MYOM1: variants seen among roughly 807,000 people sequenced by gnomAD.
MYOM1 encodes myomesin 1.
MYOM1 carries 164 observed loss-of-function variants against 205.3 expected under a neutral mutation model. That is an observed-to-expected ratio of 0.80 (90% CI 0.70 to 0.91). The LOEUF is 0.91. Ranked by LOEUF, MYOM1 falls within the 40% of genes least tolerant of loss-of-function variation. The pLI is 0.00. For synonymous variants in MYOM1, 772 were observed against 789.4 expected, an observed-to-expected ratio of 0.98 and a Z score of 0.37; for missense variants, 2,011 against 2,127.3, an observed-to-expected ratio of 0.95 and a Z score of 1.08.
chr18:3,159,521 A>G, intron 10 of MYOM1, among the ~76,000 whole-genome samples: 1 of 152,262 alleles, frequency 6.6e-6, no homozygotes, highest in East Asian at 1.9e-4. Flanking sequence ...GATACCCAAG[A>G]GAAATGAAGA....
At chr18:3,136,385 G>A (rs1356715526) in intron 14 of MYOM1, among the ~76,000 whole-genome samples, 1 of 151,474 alleles carries the variant, frequency 6.6e-6, no homozygotes, top group Non-Finnish European at 1.5e-5. Context: ...GATCGTTTGG[G>A]GTCAGGTAAT....
chr18:3,207,692 G>A (rs2081141436), intron 2 of MYOM1, among the ~76,000 whole-genome samples: 1 of 152,224 alleles, frequency 6.6e-6, no homozygotes, highest in African/African-American at 2.4e-5. Context: ...CCTGGCCAGT[G>A]CCGACACTAT....
At chr18:3,192,098 A>T (rs1201888612) in intron 3 of MYOM1, among the ~76,000 whole-genome samples, 1 of 152,196 alleles carries the variant, frequency 6.6e-6, no homozygotes, top group Non-Finnish European at 1.5e-5. Flanking sequence ...AGAAGATGTT[A>T]GGAGTAAGAA....
intron 7 of MYOM1, 46 bp downstream of exon 7, chr18:3,174,074 T>TAA: frequency 6.3e-7 from 1 of 1,592,218 alleles, no homozygotes; most frequent in Non-Finnish European, 8.5e-7. Flanking sequence ...AAGAAATTTT[T>TAA]AAAAACACAC....
chr18:3,188,655 C>A (rs2080857093), intron 4 of MYOM1, 93 bp downstream of exon 4: 1 of 1,237,476 alleles, frequency 8.1e-7, no homozygotes, highest in East Asian at 2.6e-5. Context: ...AGAAACAAAT[C>A]AATCTATATC....
chr18:3,177,598 A>T (rs2080666187), intron 5 of MYOM1, among the ~76,000 whole-genome samples: 1 of 151,916 alleles, frequency 6.6e-6, no homozygotes, highest in Non-Finnish European at 1.5e-5. Flanking sequence ...CAGCCTCCCC[A>T]GTAGCTGGGA....
chr18:3,081,066 G>A (rs2079079838), intron 33 of MYOM1, among the ~76,000 whole-genome samples: 2 of 151,896 alleles, frequency 1.3e-5, no homozygotes, highest in East Asian at 1.9e-4. Context: ...TGGAGGCAGA[G>A]GTTGCAGTGA....
At chr18:3,148,147 TG>T (rs2080157229) in intron 13 of MYOM1, among the ~76,000 whole-genome samples, 1 of 152,184 alleles carries the variant, frequency 6.6e-6, no homozygotes, top group Non-Finnish European at 1.5e-5. Context: ...GAAGGGAACG[TG>T]GTACAATCAT....
chr18:3,217,481 C>G (rs556447198), intron 1 of MYOM1, among the ~76,000 whole-genome samples: 1 of 152,264 alleles, frequency 6.6e-6, no homozygotes, highest in East Asian at 1.9e-4. Flanking sequence ...TGCTCTACAT[C>G]TGAGATGCCT....
chr18:3,110,222 C>T (rs959896842), intron 22 of MYOM1, among the ~76,000 whole-genome samples: 7 of 151,748 alleles, frequency 4.6e-5, no homozygotes, highest in South Asian at 2.1e-4. Flanking sequence ...TGTGGGTGTG[C>T]GTGGGGGTGT....
rs1032691291 is a variant in MYOM1 at position 3,188,971 on chromosome 18, T to C, written c.548A>G (p.Gln183Arg). 5 of 1,613,312 alleles carry C rather than the reference T, an allele frequency of 3.1e-6. No homozygotes were observed. The highest frequency in any genetic ancestry group is 4.2e-6 in the Non-Finnish European group (5 of 1,179,696). ...CGTGGTCTGCTTGGATGCCGTGGACTGTTTAGATGTTGTGATTCCTTCCTC... is the reference window on the plus strand; with the variant it reads ...CGTGGTCTGCTTGGATGCCGTGGACCGTTTAGATGTTGTGATTCCTTCCTC... ...ASEEGITTSK[Q>R]STASKQTTAS... The change falls in exon 4 of 38, where the codon CAG becomes CGG. Residue 183 changes from glutamine (Q) to arginine (R), a missense_variant. By Grantham distance (43) the Gln-to-Arg change is conservative. Coordinates refer to ENST00000356443, the MANE Select transcript of MYOM1 (RefSeq NM_003803.4).
intron 5 of MYOM1, among the ~76,000 whole-genome samples, chr18:3,178,411 A>G (rs981966918): frequency 6.6e-6 from 1 of 152,178 alleles, no homozygotes; most frequent in Non-Finnish European, 1.5e-5. Context: ...GCTGACCCAC[A>G]TGATGCTTCC....
At chr18:3,132,218 C>T (rs1474437459) in intron 16 of MYOM1, among the ~76,000 whole-genome samples, 1 of 151,264 alleles carries the variant, frequency 6.6e-6, no homozygotes, top group Admixed American at 6.6e-5. Flanking sequence ...GTAGTGCAAT[C>T]TCAGCTCACT....
intron 10 of MYOM1, among the ~76,000 whole-genome samples, chr18:3,159,137 A>C (rs950967900): frequency 9.8e-5 from 15 of 152,366 alleles, no homozygotes; most frequent in Admixed American, 3.9e-4. Context: ...ATATGTAATA[A>C]AATGATAACA....
chr18:3,136,706 C>T (rs2143917993), intron 14 of MYOM1, among the ~76,000 whole-genome samples: 1 of 152,314 alleles, frequency 6.6e-6, no homozygotes, highest in African/African-American at 2.4e-5. Flanking sequence ...TGAGCCACTG[C>T]ACCTGGCCTG....
the MYOM1 span, among the ~76,000 whole-genome samples, chr18:3,230,821 G>A: frequency 6.6e-6 from 1 of 152,196 alleles, no homozygotes; most frequent in Non-Finnish European, 1.5e-5. Flanking sequence ...CTCTGCTTTT[G>A]TTGCATCATT....
rs550909435 is a variant in MYOM1 at position 3,072,129 on chromosome 18, C to T, written c.4709-240G>A. 3.3e-5 allele frequency among the ~76,000 whole-genome samples: 5 copies of T among 151,528 alleles called. No individual in the cohort carries two copies. The East Asian group carries it at 9.8e-4, about 30-fold the overall frequency. On this transcript the variant is annotated intron_variant, in intron 36 of 37. Coordinates refer to ENST00000356443, the MANE Select transcript of MYOM1 (RefSeq NM_003803.4). ...GCAATGGCGGGATCTCGGCTCACTG[C>T]AACCTCTGCCCACTAGGTTCAAGCG...
chr18:3,208,237 C>T (rs898971273), intron 2 of MYOM1, among the ~76,000 whole-genome samples: 4 of 152,064 alleles, frequency 2.6e-5, no homozygotes, highest in Non-Finnish European at 4.4e-5. Context: ...AGGCCAGGCA[C>T]GGTGGCACAC....
Position 3,187,647 on chromosome 18 carries a change from C to A in MYOM1, c.772-10G>T. ...TCTCGGTTTCTTCTAACTGAAAAAACAAATATGCAAACAAACATATTACCA... is the reference window on the plus strand; with the variant it reads ...TCTCGGTTTCTTCTAACTGAAAAAAAAAATATGCAAACAAACATATTACCA... On this transcript the variant is annotated splice_polypyrimidine_tract_variant and intron_variant, in intron 4 of 37. Transcript: ENST00000356443. The A allele has an allele frequency of 6.4e-7, 1 of 1,574,062 alleles. No homozygotes were observed. The highest frequency in any genetic ancestry group is 1.2e-5 in the South Asian group (1 of 86,924).
Sources: allele counts gnomAD v4.1 joint callset (sites outside exome capture counted in the v4.1 genomes callset), GRCh38; gene constraint gnomAD v4.1.1; transcripts MANE v1.5; gene names NCBI Gene and HGNC (gene_info 2026-07-23, HGNC 2026-07-21).